THSD7A: variants seen among roughly 807,000 people sequenced by gnomAD.
THSD7A encodes the protein thrombospondin type-1 domain-containing protein 7A.
THSD7A carries 96 observed loss-of-function variants against 231.3 expected under a neutral mutation model. That is an observed-to-expected ratio of 0.41 (90% CI 0.35 to 0.49). The LOEUF (loss-of-function observed/expected upper bound fraction) is 0.49. THSD7A is among the 20% of genes least tolerant of loss of function. The pLI is 0.05. For missense variants in THSD7A, 2,290 were observed against 2,070.2 expected, an observed-to-expected ratio of 1.11 and a Z score of -2.06; for synonymous variants, 940 against 743.3, an observed-to-expected ratio of 1.26 and a Z score of -4.30.
rs373051501 is a variant in THSD7A at position 11,629,591 on chromosome 7, T to C, written c.1022+6539A>G. On this transcript the variant is annotated intron_variant, in intron 2 of 27. Coordinates refer to ENST00000423059, the MANE Select transcript of THSD7A (RefSeq NM_015204.3). ...TCTCTTTGGTAAGGTTAGGATTAGA[T>C]TTGCAATTTTACTGATTCACAAAGT... 5.3e-5 allele frequency among the ~76,000 whole-genome samples: 8 copies of C among 152,290 alleles called. No individual in the cohort carries two copies. The East Asian group carries it at 1.2e-3, about 22-fold the overall frequency.
At chr7:11,760,172 T>G (rs1364237638) in intron 1 of THSD7A, among the ~76,000 whole-genome samples, 1 of 152,032 alleles carries the variant, frequency 6.6e-6, no homozygotes, top group South Asian at 2.1e-4. Flanking sequence ...ACTGAAAGAA[T>G]TGTAATAAAA....
At chr7:11,666,420 C>T (rs1243313347) in intron 1 of THSD7A, among the ~76,000 whole-genome samples, 2 of 99,534 alleles carry the variant, frequency 2.0e-5, no homozygotes, top group East Asian at 2.7e-4. Flanking sequence ...TGGAATTTTC[C>T]ACTTGTGGCA....
At position 11,559,266 on chromosome 7, in the gene THSD7A, C is replaced by T. The variant is rs571313538; in HGVS notation, c.1454-16149G>A. On this transcript the variant is annotated intron_variant, in intron 4 of 27. Transcript: ENST00000423059. ...TTAGCTTGGAGAGATGCATGCCAGA[C>T]CTCTGACTTACAGAACTGTATGATA... 2.0e-4 allele frequency among the ~76,000 whole-genome samples: 31 copies of T among 152,230 alleles called. No individual in the cohort carries two copies. The South Asian group carries it at 4.2e-3, about 20-fold the overall frequency.
chr7:11,478,061 T>TA (rs1297633933), intron 7 of THSD7A, among the ~76,000 whole-genome samples: 3 of 152,120 alleles, frequency 2.0e-5, no homozygotes, highest in African/African-American at 4.8e-5. Context: ...TCTCCAGCAA[T>TA]AAAAAAACCA....
chr7:11,517,426 T>A (rs939660116), intron 6 of THSD7A, among the ~76,000 whole-genome samples: 3 of 149,182 alleles, frequency 2.0e-5, no homozygotes, highest in African/African-American at 2.5e-5. Context: ...TTTAAAGAGT[T>A]AAAAAAAAAA....
chr7:11,547,345 G>C (rs1789443335), intron 4 of THSD7A, among the ~76,000 whole-genome samples: 1 of 152,096 alleles, frequency 6.6e-6, no homozygotes, highest in African/African-American at 2.4e-5. Flanking sequence ...CACTTAAAAG[G>C]CACAGAGTGA....
intron 6 of THSD7A, among the ~76,000 whole-genome samples, chr7:11,493,132 T>C (rs1429294766): frequency 2.0e-5 from 3 of 152,142 alleles, no homozygotes; most frequent in Non-Finnish European, 4.4e-5. Context: ...AAAACGTATA[T>C]AGCTGATACA....
intron 4 of THSD7A, among the ~76,000 whole-genome samples, chr7:11,573,711 A>T (rs1790752547): frequency 6.6e-6 from 1 of 152,220 alleles, no homozygotes; most frequent in South Asian, 2.1e-4. Flanking sequence ...ATATTCCTAA[A>T]TATACAAGTT....
At position 11,446,474 on chromosome 7, in the gene THSD7A, C is replaced by T; in HGVS notation, c.2801-150G>A. ...ATAAATCAATGCTATTTTCTCATTC[C>T]ACAGTGTTTTCTACATAGGCTCCTG... On this transcript the variant is annotated intron_variant, in intron 12 of 27. Coordinates refer to ENST00000423059, the MANE Select transcript of THSD7A (RefSeq NM_015204.3). The surrounding 1 kb of genome is among the most constrained non-coding windows in gnomAD (Gnocchi z 4.0). 1.0e-6 allele frequency: 1 copy of T among 977,144 alleles called. No homozygotes were observed. Among genetic ancestry groups the T allele is most frequent in the Non-Finnish European group, 1.5e-6 (1 of 663,602 alleles). 60.5% of individuals were successfully genotyped at this position (977,144 alleles called of 1,614,324 possible).
intron 1 of THSD7A, among the ~76,000 whole-genome samples, chr7:11,824,586 C>A (rs758763517): frequency 1.3e-5 from 2 of 152,070 alleles, no homozygotes; most frequent in Non-Finnish European, 2.9e-5. Flanking sequence ...AAGGAGTGAC[C>A]TAAGTTACTC....
At chr7:11,681,213 C>G (rs576303128) in intron 1 of THSD7A, among the ~76,000 whole-genome samples, 1 of 151,912 alleles carries the variant, frequency 6.6e-6, no homozygotes, top group Non-Finnish European at 1.5e-5. Context: ...GGGTGGGGAG[C>G]AAGTGGAGGG....
chr7:11,389,421 C>CTTTTTTTTT (rs57755425), intron 23 of THSD7A, among the ~76,000 whole-genome samples: 10 of 37,608 alleles, frequency 2.7e-4, no homozygotes, highest in Non-Finnish European at 3.4e-4. Context: ...GCAACTCCTG[C>CTTTTTTTTT]TTTTTTTTTT....
intron 14 of THSD7A, among the ~76,000 whole-genome samples, chr7:11,428,414 G>T (rs988448376): frequency 2.6e-5 from 4 of 152,080 alleles, no homozygotes. Context: ...ATTGAAAATG[G>T]TCAATGACTA....
chr7:11,460,508 G>A (rs1458307046), intron 11 of THSD7A, among the ~76,000 whole-genome samples, 154 bp downstream of exon 11: 1 of 152,076 alleles, frequency 6.6e-6, no homozygotes, highest in Non-Finnish European at 1.5e-5. Context: ...AAAAAGACAT[G>A]TTTCTATGTC....
chr7:11,592,120 G>C (rs1780189815), intron 3 of THSD7A, among the ~76,000 whole-genome samples: 1 of 152,160 alleles, frequency 6.6e-6, no homozygotes, highest in African/African-American at 2.4e-5. Flanking sequence ...CTATTATGTG[G>C]GGAGGAACCA....
Position 11,370,388 on chromosome 7 carries a change from C to T in THSD7A, c.*5406G>A, listed in dbSNP as rs1279096883. On this transcript the variant is annotated 3_prime_UTR_variant, in exon 28 of 28. Coordinates refer to ENST00000423059, the MANE Select transcript of THSD7A (RefSeq NM_015204.3). ...TATTCACTGGAAAAAAATTTTAATCCATATTTAAGAAGCAATTGGTGCAAA... is the reference window on the plus strand; with the variant it reads ...TATTCACTGGAAAAAAATTTTAATCTATATTTAAGAAGCAATTGGTGCAAA... 6.6e-6 allele frequency: 1 copy of T among 152,052 alleles called. No individual in the cohort carries two copies. The highest frequency in any genetic ancestry group is 1.5e-5 in the Non-Finnish European group (1 of 68,024). The allele number at this position is 152,052 out of a possible 1,614,324, so 9.4% of individuals were successfully genotyped here.
Position 11,373,163 on chromosome 7 carries a change from A to T in THSD7A, c.*2631T>A, listed in dbSNP as rs972822158. 1 of 151,798 alleles carries T rather than the reference A, an allele frequency of 6.6e-6. No homozygotes were observed. Among genetic ancestry groups the T allele is most frequent in the African/African-American group, 2.4e-5 (1 of 41,358 alleles). 9.4% of individuals were successfully genotyped at this position (151,798 alleles called of 1,614,324 possible). Reference sequence around the variant, plus strand: ...TTTTTCATAACATTCTATAATTTTGATTTGCTAATTTAATTCTTATAGGTA... The same window carrying T: ...TTTTTCATAACATTCTATAATTTTGTTTTGCTAATTTAATTCTTATAGGTA... On this transcript the variant is annotated 3_prime_UTR_variant, in exon 28 of 28. Transcript: ENST00000423059.
chr7:11,405,850 T>G (rs1783563497), intron 22 of THSD7A, among the ~76,000 whole-genome samples: 2 of 152,234 alleles, frequency 1.3e-5, no homozygotes, highest in African/African-American at 2.4e-5. Context: ...TATCTAGGTA[T>G]GAGTTTGTTG....
At position 11,705,568 on chromosome 7, in the gene THSD7A, G is replaced by A. The variant is rs553494366; in HGVS notation, c.191-68607C>T. Among the ~76,000 whole-genome samples, 22 of 151,048 alleles carry A rather than the reference G, an allele frequency of 1.5e-4. No individual in the cohort carries two copies. The South Asian group carries it at 4.2e-3, about 29-fold the overall frequency. On this transcript the variant is annotated intron_variant, in intron 1 of 27. Coordinates refer to ENST00000423059, the MANE Select transcript of THSD7A (RefSeq NM_015204.3). Reference sequence around the variant, plus strand: ...CACATTTCACACCTGCCACACAAAAGGACAGGGGAGTTCTCAAGTTGGAGG... The same window carrying A: ...CACATTTCACACCTGCCACACAAAAAGACAGGGGAGTTCTCAAGTTGGAGG...
Sources: allele counts gnomAD v4.1 joint callset (sites outside exome capture counted in the v4.1 genomes callset), GRCh38; gene constraint gnomAD v4.1.1; non-coding constraint Gnocchi (gnomAD v3.1); transcripts MANE v1.5; gene names NCBI Gene and HGNC (gene_info 2026-07-23, HGNC 2026-07-21).